ATG7: variants seen among roughly 807,000 people sequenced by gnomAD.
ATG7 encodes the protein ubiquitin-like modifier-activating enzyme ATG7.
A neutral mutation model predicts 82.4 loss-of-function variants in ATG7; 70 were observed. The ratio of observed to expected loss-of-function variants is 0.85; its 90% CI spans 0.70 to 1.04. The LOEUF is 1.04. ATG7 is among the 50% of genes least tolerant of loss of function. The pLI, the probability that ATG7 is intolerant of heterozygous loss-of-function variation, is 0.00. For synonymous variants in ATG7, 287 were observed against 313.0 expected (o/e 0.92, Z 0.88); for missense variants, 792 against 864.3 (o/e 0.92, Z 1.05).
chr3:11,485,756 G>A (rs147856287), intron 20 of ATG7, among the ~76,000 whole-genome samples: 2,640 of 152,136 alleles, frequency 0.017, 72 homozygotes, highest in African/African-American at 0.059. Flanking sequence ...AGCTTTCTAC[G>A]TATGGCTAGC....
chr3:11,548,362 G>C (rs2071468417), intron 20 of ATG7, among the ~76,000 whole-genome samples: 2 of 151,896 alleles, frequency 1.3e-5, no homozygotes, highest in South Asian at 4.1e-4. Flanking sequence ...TCTTAATAGT[G>C]TCCTTGGAAG....
chr3:11,470,437 C>A (rs1259814615), intron 20 of ATG7, among the ~76,000 whole-genome samples: 3 of 152,180 alleles, frequency 2.0e-5, no homozygotes, highest in Non-Finnish European at 4.4e-5. Context: ...AGAAAAGGTA[C>A]CACACAAATG....
intron 20 of ATG7, among the ~76,000 whole-genome samples, chr3:11,542,708 A>T (rs529357850): frequency 2.5e-4 from 38 of 152,116 alleles, no homozygotes; most frequent in Admixed American, 8.5e-4. Flanking sequence ...CTTTAAGATG[A>T]CAGTCCCCTG....
intron 20 of ATG7, among the ~76,000 whole-genome samples, chr3:11,517,989 G>A (rs1267394692): frequency 6.6e-6 from 1 of 152,174 alleles, no homozygotes; most frequent in African/African-American, 2.4e-5. Context: ...CAGTCAGAGA[G>A]GGCAGGCTAG....
At chr3:11,551,307 C>A (rs1300782837) in intron 20 of ATG7, among the ~76,000 whole-genome samples, 1 of 152,210 alleles carries the variant, frequency 6.6e-6, no homozygotes, top group Non-Finnish European at 1.5e-5. Flanking sequence ...TCCTGTTTTT[C>A]CACATAGCCT....
At chr3:11,283,817 A>C (rs1943483591) in intron 3 of ATG7, among the ~76,000 whole-genome samples, 1 of 152,156 alleles carries the variant, frequency 6.6e-6, no homozygotes. Context: ...CTGTAATCCC[A>C]GCTATGTGGG....
chr3:11,305,813 G>C (rs973949106), intron 5 of ATG7, among the ~76,000 whole-genome samples: 1 of 152,064 alleles, frequency 6.6e-6, no homozygotes, highest in African/African-American at 2.4e-5. Context: ...CTTCATACCT[G>C]TTCTAGGTTT....
intron 16 of ATG7, among the ~76,000 whole-genome samples, chr3:11,361,307 C>CA (rs2076269601): frequency 7.0e-6 from 1 of 142,884 alleles, no homozygotes; most frequent in Non-Finnish European, 1.5e-5. Flanking sequence ...TTTTTTGAGA[C>CA]AGAGTTTCGC....
chr3:11,537,886 G>A (rs564132238), intron 20 of ATG7, among the ~76,000 whole-genome samples: 15 of 152,208 alleles, frequency 9.9e-5, no homozygotes, highest in South Asian at 6.3e-4. Flanking sequence ...GGTAGAGCCC[G>A]GATCCAAAAT....
At chr3:11,523,395 C>G (rs1575180880) in intron 20 of ATG7, among the ~76,000 whole-genome samples, 1 of 152,376 alleles carries the variant, frequency 6.6e-6, no homozygotes, top group East Asian at 1.9e-4. Flanking sequence ...TCTGGCCTGT[C>G]TCTAGGCCTA....
At chr3:11,390,772 T>C (rs2078739863) in intron 19 of ATG7, among the ~76,000 whole-genome samples, 1 of 151,810 alleles carries the variant, frequency 6.6e-6, no homozygotes, top group South Asian at 2.1e-4. Context: ...GTTAAAGTAC[T>C]GCAAGGCTTA....
At chr3:11,422,983 G>A (rs905468722) in intron 19 of ATG7, among the ~76,000 whole-genome samples, 1 of 151,972 alleles carries the variant, frequency 6.6e-6, no homozygotes, top group Non-Finnish European at 1.5e-5. Flanking sequence ...TTGAACTTCT[G>A]ACCTCAAGTG....
chr3:11,527,067 GTGTGTATA>G lies in ATG7; in HGVS notation c.2080-27742_2080-27735del, dbSNP rs776083154. 9.4e-3 allele frequency among the ~76,000 whole-genome samples: 891 copies of G among 95,270 alleles called. 9 individuals carry two copies. Among genetic ancestry groups the G allele is most frequent in the African/African-American group, 0.034 (823 of 24,146 alleles). The allele number at this position is 95,270 out of a possible 152,430, so 62.5% of individuals were successfully genotyped here. A position where few individuals can be genotyped will look rare whatever the true frequency, so the allele number is the denominator to read the frequency against. On this transcript the variant is annotated intron_variant, in intron 20 of 20. Coordinates refer to ENST00000693202, the MANE Select transcript of ATG7 (RefSeq NM_001349232.2). ...TGTGTGTGTGTGTGTGTGTGTGTGTGTGTGTATATATATATATATATATATACATACAT... is the reference window on the plus strand; with the variant it reads ...TGTGTGTGTGTGTGTGTGTGTGTGTGTATATATATATATATATACATACAT...
intron 13 of ATG7, among the ~76,000 whole-genome samples, chr3:11,346,135 T>TC (rs1397272791): frequency 6.6e-6 from 1 of 152,186 alleles, no homozygotes; most frequent in Non-Finnish European, 1.5e-5. Context: ...CACCTTGGCC[T>TC]CCCGAGTAGT....
intron 20 of ATG7, among the ~76,000 whole-genome samples, chr3:11,491,832 A>T (rs2090387580): frequency 1.3e-5 from 2 of 152,152 alleles, no homozygotes; most frequent in Admixed American, 6.5e-5. Context: ...TTCCTCTGGA[A>T]GTTTTGTCTC....
intron 20 of ATG7, among the ~76,000 whole-genome samples, chr3:11,527,071 G>GTGTGTA (rs1305045814): frequency 4.7e-5 from 6 of 127,424 alleles, no homozygotes; most frequent in Non-Finnish European, 6.4e-5. Flanking sequence ...GTGTGTGTGT[G>GTGTGTA]TATATATATA....
intron 18 of ATG7, among the ~76,000 whole-genome samples, chr3:11,379,510 C>T (rs535621560): frequency 4.6e-5 from 7 of 152,288 alleles, no homozygotes; most frequent in African/African-American, 1.4e-4. Flanking sequence ...AGGGCCATTT[C>T]GGCCTTCCAC....
At chr3:11,396,369 G>A (rs2079274786) in intron 19 of ATG7, among the ~76,000 whole-genome samples, 3 of 152,020 alleles carry the variant, frequency 2.0e-5, no homozygotes, top group African/African-American at 7.3e-5. Context: ...GAGCCCAGAA[G>A]TTTGAGGCTG....
intron 19 of ATG7, among the ~76,000 whole-genome samples, chr3:11,381,756 C>T (rs948855886): frequency 2.0e-5 from 3 of 152,152 alleles, no homozygotes; most frequent in Non-Finnish European, 4.4e-5. Flanking sequence ...ATTCCCATAG[C>T]GGTCACTTTT....
Sources: gnomAD v4.1 joint callset for allele counts (sites outside exome capture counted in the v4.1 genomes callset) on GRCh38, gnomAD v4.1.1 for gene constraint, MANE v1.5 for transcripts, NCBI Gene and HGNC (gene_info 2026-07-23, HGNC 2026-07-21) for gene names.